Variants in ARMC10 observed in about 807,000 individuals in gnomAD.
The protein encoded by ARMC10 is armadillo repeat-containing protein 10.
Under a neutral mutation model 30.2 loss-of-function variants are expected in ARMC10, and 23 were observed. That is an observed-to-expected ratio of 0.76 (90% CI 0.55 to 1.08). The LOEUF (loss-of-function observed/expected upper bound fraction) is 1.08, where lower values mean the gene tolerates loss of function less well. Ranked by LOEUF, ARMC10 falls within the 50% of genes least tolerant of loss-of-function variation. ARMC10 has a pLI of 0.00. For missense variants in ARMC10, 303 were observed against 413.7 expected, an observed-to-expected ratio of 0.73 and a Z score of 2.32; for synonymous variants, 111 against 164.4, an observed-to-expected ratio of 0.68 and a Z score of 2.48.
intron 4 of ARMC10, among the ~76,000 whole-genome samples, chr7:103,090,879 C>T (rs943619161): frequency 9.2e-5 from 14 of 152,254 alleles, no homozygotes; most frequent in Middle Eastern, 3.4e-3. Context: ...GAGACCCTGT[C>T]TCTAAAAATA....
intron 2 of ARMC10, among the ~76,000 whole-genome samples, chr7:103,080,790 G>A (rs560819107): frequency 6.6e-6 from 1 of 151,746 alleles, no homozygotes; most frequent in South Asian, 2.1e-4. Context: ...ACCATGCCTG[G>A]CTAATTTTTG....
intron 1 of ARMC10, 31 bp from the exon 2 acceptor site, chr7:103,075,746 C>T (rs1182442262): frequency 3.3e-6 from 5 of 1,532,472 alleles, no homozygotes; most frequent in Admixed American, 3.8e-5. Context: ...TGTTGAGGGG[C>T]CCAGAGCCAT....
intron 2 of ARMC10, among the ~76,000 whole-genome samples, chr7:103,078,149 T>C (rs1800061409): frequency 6.6e-6 from 1 of 152,070 alleles, no homozygotes; most frequent in Admixed American, 6.6e-5. Flanking sequence ...GTACACACCA[T>C]GTGCCTGGCG....
At chr7:103,077,794 T>C (rs933803211) in intron 2 of ARMC10, among the ~76,000 whole-genome samples, 1 of 152,262 alleles carries the variant, frequency 6.6e-6, no homozygotes, top group South Asian at 2.1e-4. Flanking sequence ...TTCTCAGTTA[T>C]ACTGACTCAA....
intron 2 of ARMC10, among the ~76,000 whole-genome samples, chr7:103,077,381 A>G (rs1799983698): frequency 6.6e-6 from 1 of 151,558 alleles, no homozygotes; most frequent in Non-Finnish European, 1.5e-5. Context: ...TGGGTAATTT[A>G]TTAGGAAAGA....
intron 3 of ARMC10, chr7:103,084,086 AC>A: frequency 7.0e-7 from 1 of 1,421,714 alleles, no homozygotes; most frequent in Non-Finnish European, 9.3e-7. Flanking sequence ...ATCAACGTTT[AC>A]CATTTCATGG....
chr7:103,082,515 T>A (rs560630183), intron 2 of ARMC10, among the ~76,000 whole-genome samples: 1,594 of 152,248 alleles, frequency 0.01, 34 homozygotes, highest in African/African-American at 0.037. Flanking sequence ...ATTTTTTTTT[T>A]AATAGAGACA....
At chr7:103,090,388 G>A (rs372132420) in intron 4 of ARMC10, among the ~76,000 whole-genome samples, 2 of 152,314 alleles carry the variant, frequency 1.3e-5, no homozygotes, top group South Asian at 2.1e-4. Flanking sequence ...AGGGCCAGGC[G>A]TGGTGGCTCA....
chr7:103,086,563 G>T, intron 3 of ARMC10, 67 bp from the exon 4 acceptor site: 1 of 1,482,026 alleles, frequency 6.7e-7, no homozygotes. Context: ...TGGATGCAAA[G>T]AATTCAGTGA....
rs775002874 is a variant in ARMC10 at position 103,075,814 on chromosome 7, C to T, written c.177C>T (p.Cys59=). Residue 59 remains cysteine (C), a synonymous_variant, in exon 2 of 7, where the codon TGC becomes TGT. Coordinates refer to ENST00000323716, the MANE Select transcript of ARMC10 (RefSeq NM_031905.5). ...LEEGTSEGQL[C]GRSARPQTGG... ...AAGGGACGTCAGAGGGTCAGTTGTG[C>T]GGGCGCTCGGCCCGGCCTCAGACGG... 3 of 1,610,672 alleles carry T rather than the reference C, an allele frequency of 1.9e-6. No individual in the cohort carries two copies. Among genetic ancestry groups the T allele is most frequent in the Non-Finnish European group, 2.5e-6 (3 of 1,178,626 alleles).
At chr7:103,077,591 A>G (rs1450963432) in intron 2 of ARMC10, among the ~76,000 whole-genome samples, 1 of 152,228 alleles carries the variant, frequency 6.6e-6, no homozygotes, top group Non-Finnish European at 1.5e-5. Flanking sequence ...TCATGAGGAC[A>G]GACCCCTCAT....
Position 103,095,161 on chromosome 7 carries a change from C to T in ARMC10, c.706-2116C>T, listed in dbSNP as rs576636728. On this transcript the variant is annotated intron_variant, in intron 5 of 6. Transcript: ENST00000323716. Reference sequence around the variant, plus strand: ...TGTTGCCCAGGCTAGATTGCAGTGGCATGATCTCTGCTCACTGCAGCCTTG... The same window carrying T: ...TGTTGCCCAGGCTAGATTGCAGTGGTATGATCTCTGCTCACTGCAGCCTTG... Among the ~76,000 whole-genome samples, 5 of 152,342 alleles carry T rather than the reference C, an allele frequency of 3.3e-5. No individual in the cohort carries two copies. In the South Asian group the frequency reaches 1.0e-3, roughly 32 times the overall value.
chr7:103,080,916 G>A (rs143622396), intron 2 of ARMC10, among the ~76,000 whole-genome samples: 189 of 152,246 alleles, frequency 1.2e-3, no homozygotes, highest in African/African-American at 2.6e-3. Context: ...GTGAGCCACC[G>A]CATTCAGCTA....
At position 103,097,335 on chromosome 7, in the gene ARMC10, T is replaced by C. The variant is rs1801838095; in HGVS notation, c.764T>C (p.Leu255Pro). Residue 255 changes from leucine (L) to proline (P), a missense_variant, in exon 6 of 7, where the codon CTT becomes CCT. By Grantham distance (98) the Leu-to-Pro change is moderately conservative. Coordinates refer to ENST00000323716, the MANE Select transcript of ARMC10 (RefSeq NM_031905.5). ...GAAAATCCAGCCATGACAGAAGGAC[T>C]TCTCCGTGCCCAAGTAAATAGCTTA... ...LSENPAMTEG[L>P]LRAQVDSSFL... 6.2e-7 allele frequency: 1 copy of C among 1,611,986 alleles called. No individual in the cohort carries two copies. Among genetic ancestry groups the C allele is most frequent in the South Asian group, 1.1e-5 (1 of 91,036 alleles).
chr7:103,087,787 G>C, intron 4 of ARMC10: 1 of 985,140 alleles, frequency 1.0e-6, no homozygotes. Flanking sequence ...CTGTTAAGCA[G>C]TAACTGTGAG....
chr7:103,088,916 A>G (rs897140657), intron 4 of ARMC10: 7 of 152,934 alleles, frequency 4.6e-5, no homozygotes, highest in African/African-American at 1.4e-4. Flanking sequence ...ACTGTTGCCA[A>G]CACCTATTAC....
At chr7:103,081,695 C>T (rs894684900) in intron 2 of ARMC10, among the ~76,000 whole-genome samples, 1 of 80,576 alleles carries the variant, frequency 1.2e-5, no homozygotes, top group Non-Finnish European at 3.1e-5. Flanking sequence ...TTAAAAATGA[C>T]TTCATGAGAT....
At chr7:103,076,089 T>A (rs1655311395) in intron 2 of ARMC10, among the ~76,000 whole-genome samples, 1 of 152,184 alleles carries the variant, frequency 6.6e-6, no homozygotes, top group African/African-American at 2.4e-5. Flanking sequence ...AGAAGAGAGC[T>A]AAACAGCTTC....
intron 4 of ARMC10, among the ~76,000 whole-genome samples, chr7:103,091,808 C>G (rs1042741988): frequency 6.6e-6 from 1 of 152,212 alleles, no homozygotes; most frequent in South Asian, 2.1e-4. Context: ...AGCATGATCT[C>G]TGGGCTTGGC....
Sources: allele counts gnomAD v4.1 joint callset (sites outside exome capture counted in the v4.1 genomes callset), GRCh38; gene constraint gnomAD v4.1.1; transcripts MANE v1.5; gene names NCBI Gene and HGNC (gene_info 2026-07-23, HGNC 2026-07-21).